Variants in SRPRA observed in about 807,000 individuals in gnomAD.
The protein encoded by SRPRA is SRP receptor subunit alpha, also known as signal recognition particle receptor subunit alpha.
In SRPRA, 30 loss-of-function variants were observed where a neutral mutation model predicts 61.1. The ratio of observed to expected loss-of-function variants is 0.49; its 90% CI spans 0.37 to 0.67. The LOEUF (loss-of-function observed/expected upper bound fraction) is 0.67, where lower values mean the gene tolerates loss of function less well. Ranked by LOEUF, SRPRA falls within the 30% of genes least tolerant of loss-of-function variation. SRPRA has a pLI of 0.00. For synonymous variants in SRPRA, 324 were observed against 299.7 expected, an observed-to-expected ratio of 1.08 and a Z score of -0.84; for missense variants, 759 against 828.4, an observed-to-expected ratio of 0.92 and a Z score of 1.03.
chr11:126,264,204 G>A lies in SRPRA; in HGVS notation c.1775C>T (p.Thr592Ile). 6.2e-7 allele frequency: 1 copy of A among 1,614,046 alleles called. No homozygotes were observed. Among genetic ancestry groups the A allele is most frequent in the South Asian group, 1.1e-5 (1 of 91,062 alleles). Residue 592 changes from threonine (T) to isoleucine (I), a missense_variant, in exon 13 of 14, where the codon ACC (threonine) becomes ATC (isoleucine). Physicochemically the swap from Thr to Ile is moderately conservative, Grantham distance 89 (BLOSUM62 -1). Transcript: ENST00000332118. This position sits in a 1 kb window ranked among gnomAD's most constrained non-coding sequence, Gnocchi z 5.0. ...IDGIVLTKFD[T>I]IDDKVGAAIS... ...TCTCACGTTTACCTTGTCATCAATG[G>A]TATCAAATTTGGTAAGAACAATGCC...
At chr11:126,243,063 A>C in the SRPRA span, among the ~76,000 whole-genome samples, 1 of 152,254 alleles carries the variant, frequency 6.6e-6, no homozygotes, top group African/African-American at 2.4e-5. Context: ...AACAACATGG[A>C]TGAACCTTGA....
chr11:126,254,550 G>C, the SRPRA span: 1 of 1,387,780 alleles, frequency 7.2e-7, no homozygotes, highest in Non-Finnish European at 9.9e-7. Context: ...GGAAGGTCAG[G>C]GGCTAGGAGC....
the SRPRA span, chr11:126,240,717 C>A: frequency 4.9e-6 from 7 of 1,419,190 alleles, no homozygotes; most frequent in South Asian, 9.5e-5. Flanking sequence ...AAACTGTAAC[C>A]TGAGTCAGAC....
At chr11:126,253,885 T>C in the SRPRA span, among the ~76,000 whole-genome samples, 1 of 152,340 alleles carries the variant, frequency 6.6e-6, no homozygotes, top group South Asian at 2.1e-4. The surrounding 1 kb of genome is among the most constrained non-coding windows in gnomAD (Gnocchi z 5.1). Context: ...GTGTGTTTGC[T>C]AGTATCCCAT....
downstream of SRPRA, chr11:126,262,144 G>A: frequency 6.2e-7 from 1 of 1,613,998 alleles, no homozygotes; most frequent in Non-Finnish European, 8.5e-7. Flanking sequence ...GCGAGCTAGA[G>A]AAATCACCAC....
chr11:126,249,042 T>C, the SRPRA span, among the ~76,000 whole-genome samples: 1 of 152,192 alleles, frequency 6.6e-6, no homozygotes, highest in Non-Finnish European at 1.5e-5. Flanking sequence ...GTATTCAAAA[T>C]GAATCTGAAA....
chr11:126,247,345 A>C, the SRPRA span, among the ~76,000 whole-genome samples: 3 of 152,212 alleles, frequency 2.0e-5, no homozygotes, highest in Non-Finnish European at 4.4e-5. Flanking sequence ...GCAGTTGCAG[A>C]ATCATATTTC....
chr11:126,247,923 A>T, the SRPRA span, among the ~76,000 whole-genome samples: 556 of 147,094 alleles, frequency 3.8e-3, 1 homozygote, highest in Non-Finnish European at 6.4e-3. Context: ...ATAGATACGT[A>T]TATCTATATA....
chr11:126,241,554 A>ATT, the SRPRA span, among the ~76,000 whole-genome samples: 1 of 151,718 alleles, frequency 6.6e-6, no homozygotes, highest in African/African-American at 2.4e-5. Flanking sequence ...TTATTTATTT[A>ATT]TTTATTTATT....
rs905044202 is a variant in SRPRA, at chr11:126,265,594, T to C, written c.1138+143A>G. ...ACGCACATTACAAGGACTAACTCAC[T>C]GAATCCTCTCAATAACCCTTAAAAT... On this transcript the variant is annotated intron_variant, in intron 9 of 13. Coordinates refer to ENST00000332118, the MANE Select transcript of SRPRA (RefSeq NM_003139.4). This position sits in a 1 kb window ranked among gnomAD's most constrained non-coding sequence, Gnocchi z 6.3. 4.9e-6 allele frequency: 6 copies of C among 1,219,914 alleles called. No homozygotes were observed. Among genetic ancestry groups the C allele is most frequent in the Non-Finnish European group, 4.6e-6 (4 of 862,632 alleles). The allele number at this position is 1,219,914 out of a possible 1,614,324, so 75.6% of individuals were successfully genotyped here. A position where few individuals can be genotyped will look rare whatever the true frequency, so the allele number is the denominator to read the frequency against.
intron 6 of SRPRA, 45 bp from the exon 7 acceptor site, chr11:126,266,323 C>G (rs777635502): frequency 1.2e-6 from 2 of 1,605,160 alleles, no homozygotes; most frequent in South Asian, 1.1e-5. Context: ...ACACTAAGGT[C>G]TCTGAGGAAA....
Position 126,265,804 on chromosome 11 carries a change from G to C in SRPRA, c.1071C>G (p.Asp357Glu). ...DHLIAKNVAA[D>E]IAVQLCESVA... is the part of the protein sequence containing the mutation. ...CAGATTCACAGAGCTGGACGGCAAT[G>C]TCTGCAGCCACGTTCTTAGCTGAGG... Residue 357 changes from aspartate to glutamate, a missense_variant, in exon 9 of 14, where the codon GAC becomes GAG. Around this residue, in one of 2 missense-constraint regions of SRPRA, gnomAD observed 475 missense variants for 462.5 expected, o/e 1.03. Transcript: ENST00000332118. This position sits in a 1 kb window ranked among gnomAD's most constrained non-coding sequence, Gnocchi z 6.3. 6.2e-7 allele frequency: 1 copy of C among 1,614,232 alleles called. No homozygotes were observed. Among genetic ancestry groups the C allele is most frequent in the Non-Finnish European group, 8.5e-7 (1 of 1,180,044 alleles).
chr11:126,240,807 C>A, the SRPRA span: 1 of 1,605,308 alleles, frequency 6.2e-7, no homozygotes, highest in South Asian at 1.1e-5. Context: ...TGCTTCCAAG[C>A]TTAAAAACTA....
chr11:126,256,643 T>C, the SRPRA span: 3 of 1,614,106 alleles, frequency 1.9e-6, no homozygotes, highest in African/African-American at 1.3e-5. This position sits in a 1 kb window ranked among gnomAD's most constrained non-coding sequence, Gnocchi z 6.6. Context: ...GACACCACTT[T>C]CCAGGCCCTT....
chr11:126,266,376 G>T lies in SRPRA; in HGVS notation c.841-98C>A. 3.1e-6 allele frequency: 5 copies of T among 1,590,110 alleles called. No individual in the cohort carries two copies. In the South Asian group the frequency reaches 5.6e-5, roughly 18 times the overall value. On this transcript the variant is annotated intron_variant, in intron 6 of 13. Transcript: ENST00000332118. Reference sequence around the variant, plus strand: ...TCTCTTTCATTTTGGGAAGCTCCAAGTATAACTTACCCCTCATTCAAATCC... The same window carrying T: ...TCTCTTTCATTTTGGGAAGCTCCAATTATAACTTACCCCTCATTCAAATCC...
Position 126,268,027 on chromosome 11 carries a change from G to A in SRPRA, c.177C>T (p.Asp59=), listed in dbSNP as rs745756908. Reference sequence around the variant, plus strand: ...CCACAAACACCAGCTCAAACTGGTTGTCCAGTTTATACTTGAGTGTGAGTG... The same window carrying A: ...CCACAAACACCAGCTCAAACTGGTTATCCAGTTTATACTTGAGTGTGAGTG... ...HEALTLKYKL[D]NQFELVFVVG... Residue 59 remains aspartate, a synonymous_variant, in exon 2 of 14, where the codon GAC becomes GAT. Coordinates refer to ENST00000332118, the MANE Select transcript of SRPRA (RefSeq NM_003139.4). 1 of 1,614,118 alleles carries A rather than the reference G, an allele frequency of 6.2e-7. No homozygotes were observed. Among genetic ancestry groups the A allele is most frequent in the Non-Finnish European group, 8.5e-7 (1 of 1,180,012 alleles).
Position 126,267,316 on chromosome 11 carries a change from T to C in SRPRA, c.385A>G (p.Lys129Glu), listed in dbSNP as rs765231426. ...TTCATGGTAGTGGGAGCACGGATCT[T>C]ACTGCTCTCCTCTGCTTCACTAAAC... The part of the protein sequence containing the change: ...RLLREAEESS[K>E]IRAPTTMKKF... Residue 129 changes from lysine to glutamate, a missense_variant, in exon 4 of 14, where the codon AAG (lysine) becomes GAG (glutamate). Transcript: ENST00000332118. The surrounding 1 kb of genome is among the most constrained non-coding windows in gnomAD (Gnocchi z 4.2). 1 of 1,614,176 alleles carries C rather than the reference T, an allele frequency of 6.2e-7. No individual in the cohort carries two copies. The highest frequency in any genetic ancestry group is 2.2e-5 in the East Asian group (1 of 44,884).
the SRPRA span, among the ~76,000 whole-genome samples, chr11:126,238,421 A>T: frequency 6.6e-6 from 1 of 152,144 alleles, no homozygotes; most frequent in Non-Finnish European, 1.5e-5. Context: ...ACCTGTCAGA[A>T]TCTGCAGGTT....
At position 126,265,727 on chromosome 11, in the gene SRPRA, A is replaced by G. The variant is rs755925174; in HGVS notation, c.1138+10T>C. The stretch of plus-strand genomic sequence containing the variant: ...CACATAAGCACTTTCTCACTTAGGT[A>G]AGTACTTACTGCTGAACGTCCCCAT... On this transcript the variant is annotated intron_variant, in intron 9 of 13. Transcript: ENST00000332118. This position sits in a 1 kb window ranked among gnomAD's most constrained non-coding sequence, Gnocchi z 6.3. 1 of 1,613,956 alleles carries G rather than the reference A, an allele frequency of 6.2e-7. No homozygotes were observed. Among genetic ancestry groups the G allele is most frequent in the Non-Finnish European group, 8.5e-7 (1 of 1,179,814 alleles).
Sources: allele counts gnomAD v4.1 joint callset (sites outside exome capture counted in the v4.1 genomes callset), GRCh38; gene constraint gnomAD v4.1.1; regional missense constraint gnomAD v4.1.1; non-coding constraint Gnocchi (gnomAD v3.1); transcripts MANE v1.5; gene names NCBI Gene and HGNC (gene_info 2026-07-23, HGNC 2026-07-21).